Variants in FMN1 observed in about 807,000 individuals in gnomAD.
FMN1 encodes formin-1.
A neutral mutation model predicts 132.4 loss-of-function variants in FMN1; 110 were observed. That is an observed-to-expected ratio of 0.83 (90% CI 0.71 to 0.97). FMN1 has a LOEUF of 0.97. Ranked by LOEUF, FMN1 falls within the 50% of genes least tolerant of loss-of-function variation. FMN1 has a pLI of 0.00. For missense variants in FMN1, 1,792 were observed against 1,705.3 expected, an observed-to-expected ratio of 1.05 and a Z score of -0.90; for synonymous variants, 722 against 651.7, an observed-to-expected ratio of 1.11 and a Z score of -1.64.
At chr15:33,082,404 AC>A (rs1243886113) in intron 5 of FMN1, among the ~76,000 whole-genome samples, 8 of 151,978 alleles carry the variant, frequency 5.3e-5, no homozygotes, top group African/African-American at 1.7e-4. Context: ...AATCCTAATG[AC>A]TACTTACCTG....
intron 17 of FMN1, among the ~76,000 whole-genome samples, chr15:32,817,498 C>A (rs566094885): frequency 1.3e-5 from 2 of 152,282 alleles, no homozygotes; most frequent in Non-Finnish European, 1.5e-5. Flanking sequence ...ACTTCAAGAG[C>A]TCTGATGTTA....
intron 6 of FMN1, among the ~76,000 whole-genome samples, chr15:33,017,835 C>A (rs367673561): frequency 6.6e-6 from 1 of 152,164 alleles, no homozygotes; most frequent in Non-Finnish European, 1.5e-5. Context: ...GAGACTGAGG[C>A]GGACGGATTT....
chr15:32,860,168 G>C (rs1384878278), intron 16 of FMN1, among the ~76,000 whole-genome samples: 1 of 128,856 alleles, frequency 7.8e-6, no homozygotes, highest in Non-Finnish European at 1.6e-5. Context: ...GGAAGGAAAA[G>C]GAAAAAAGAA....
intron 17 of FMN1, among the ~76,000 whole-genome samples, chr15:32,844,281 C>CT: frequency 6.6e-6 from 1 of 152,082 alleles, no homozygotes; most frequent in Admixed American, 6.5e-5. Flanking sequence ...GAGACAGGGT[C>CT]TTTGTGGATC....
chr15:33,060,880 C>T (rs1204405275), intron 6 of FMN1, among the ~76,000 whole-genome samples: 3 of 152,194 alleles, frequency 2.0e-5, no homozygotes, highest in African/African-American at 7.2e-5. Flanking sequence ...ATTCCGAAAA[C>T]ATTAACCTCA....
At chr15:33,013,181 T>C in intron 6 of FMN1, 2 of 340,342 alleles carry the variant, frequency 5.9e-6, no homozygotes, top group South Asian at 2.8e-5. Flanking sequence ...GCACAGGGCC[T>C]AGCTGCTACA....
intron 4 of FMN1, among the ~76,000 whole-genome samples, chr15:33,133,890 A>G (rs16965431): frequency 0.062 from 9,428 of 152,298 alleles, 309 homozygotes; most frequent in Middle Eastern, 0.11. Context: ...CATGCCAGCC[A>G]TCTATAAAAT....
At chr15:32,870,307 G>T (rs536208158) in intron 16 of FMN1, among the ~76,000 whole-genome samples, 9 of 152,116 alleles carry the variant, frequency 5.9e-5, no homozygotes, top group African/African-American at 1.9e-4. Flanking sequence ...TTTACAGAGC[G>T]GCTGCCTCTT....
chr15:33,011,167 C>T (rs1390760602), intron 6 of FMN1, among the ~76,000 whole-genome samples: 1 of 152,078 alleles, frequency 6.6e-6, no homozygotes, highest in African/African-American at 2.4e-5. Flanking sequence ...TTAATTCTTA[C>T]AATGTAATTA....
rs370863163 is a variant in FMN1 at position 32,888,244 on chromosome 15, A to C, written c.3763T>G (p.Phe1255Val). The C allele has an allele frequency of 1.5e-4, 244 of 1,613,038 alleles. 1 individual carries two copies. The highest frequency in any genetic ancestry group is 2.0e-4 in the Non-Finnish European group (237 of 1,179,504). ...SVFPLPEPQD[F>V]FLASQVKFED... The stretch of plus-strand genomic sequence containing the variant: ...AACTTGACTTGGGAGGCCAGAAAGA[A>C]ATCCTGTGGTTCCGGCAAGGGGAAA... Residue 1255 changes from phenylalanine to valine, a missense_variant, in exon 16 of 21, where the codon TTC (phenylalanine) becomes GTC (valine). Phe to Val is a conservative substitution (Grantham distance 50). Transcript: ENST00000616417.
chr15:32,917,672 A>G (rs2140306399), intron 10 of FMN1, among the ~76,000 whole-genome samples: 1 of 152,328 alleles, frequency 6.6e-6, no homozygotes, highest in East Asian at 1.9e-4. Context: ...CACCCCAACT[A>G]TCCTCCAAGG....
chr15:32,799,448 T>C lies in FMN1; in HGVS notation c.3981-495A>G, dbSNP rs368164652. 8.5e-5 allele frequency among the ~76,000 whole-genome samples: 13 copies of C among 152,270 alleles called. No individual in the cohort carries two copies. In the South Asian group the frequency reaches 1.7e-3, roughly 19 times the overall value. ...CATATACTGGCTTTGTAATCTTGGG[T>C]CAATCACTCAGCATCTTTGACTCTC... On this transcript the variant is annotated intron_variant, in intron 18 of 20. Coordinates refer to ENST00000616417, the MANE Select transcript of FMN1 (RefSeq NM_001277313.2).
intron 9 of FMN1, among the ~76,000 whole-genome samples, chr15:32,947,813 G>A (rs1458596810): frequency 1.3e-5 from 2 of 151,864 alleles, no homozygotes; most frequent in Non-Finnish European, 2.9e-5. Context: ...ATTGATTATT[G>A]TGGTACTGAT....
At chr15:32,843,266 T>C (rs989015879) in intron 17 of FMN1, among the ~76,000 whole-genome samples, 4 of 152,096 alleles carry the variant, frequency 2.6e-5, no homozygotes, top group African/African-American at 9.7e-5. Context: ...TTGAAAGAGA[T>C]GCAAAACCCA....
At chr15:33,110,961 A>G (rs1019448604) in intron 4 of FMN1, among the ~76,000 whole-genome samples, 6 of 152,136 alleles carry the variant, frequency 3.9e-5, no homozygotes, top group Non-Finnish European at 5.9e-5. Flanking sequence ...AGCAATTATG[A>G]TAATTATTCC....
intron 7 of FMN1, among the ~76,000 whole-genome samples, chr15:32,994,212 C>CTCTCTCTCTCTCTCTCT (rs2033623199): frequency 1.4e-4 from 21 of 146,504 alleles, no homozygotes; most frequent in Admixed American, 1.1e-3. Context: ...AGAACTCATT[C>CTCTCTCTCTCTCTCTCT]CTCTCTCTCT....
In FMN1 at chr15:33,103,283, A is replaced by AG. The variant is rs1415678976; in HGVS notation, c.1868-14310dup. 4.6e-5 allele frequency among the ~76,000 whole-genome samples: 7 copies of AG among 152,186 alleles called. No individual in the cohort carries two copies. The East Asian group carries it at 1.4e-3, about 29-fold the overall frequency. On this transcript the variant is annotated intron_variant, in intron 4 of 20. Transcript: ENST00000616417. Reference sequence around the variant, plus strand: ...TAAATCTCAGCTCCAACCTCTTACTAGCCAAGAGACCTTGGCAATTTGTTT... The same window carrying AG: ...TAAATCTCAGCTCCAACCTCTTACTAGGCCAAGAGACCTTGGCAATTTGTTT...
intron 2 of FMN1, among the ~76,000 whole-genome samples, chr15:33,193,460 C>T (rs566125577): frequency 6.6e-6 from 1 of 152,224 alleles, no homozygotes; most frequent in Admixed American, 6.5e-5. Context: ...CGCAAGGGGG[C>T]ATAGCAGATG....
intron 7 of FMN1, among the ~76,000 whole-genome samples, chr15:32,992,006 C>G (rs2033464216): frequency 6.6e-6 from 1 of 152,094 alleles, no homozygotes; most frequent in African/African-American, 2.4e-5. Context: ...ACCTTGTAGT[C>G]CAGGGGGATT....
Sources: gnomAD v4.1 joint callset for allele counts (sites outside exome capture counted in the v4.1 genomes callset) on GRCh38, gnomAD v4.1.1 for gene constraint, MANE v1.5 for transcripts, NCBI Gene and HGNC (gene_info 2026-07-23, HGNC 2026-07-21) for gene names.